RNF144A: variants seen among roughly 807,000 people sequenced by gnomAD.
The protein encoded by RNF144A is ring finger protein 144A.
A neutral mutation model predicts 38.7 loss-of-function variants in RNF144A; 11 were observed. That is an observed-to-expected ratio of 0.28 (90% CI 0.18 to 0.47). The LOEUF is 0.47. Among genes scored for constraint, RNF144A ranks in the 20% least tolerant of loss-of-function variants. RNF144A has a pLI of 0.99. For missense variants in RNF144A, 316 were observed against 377.2 expected (o/e 0.84, Z 1.34); for synonymous variants, 149 against 143.9 (o/e 1.04, Z -0.25).
intron 3 of RNF144A, among the ~76,000 whole-genome samples, chr2:7,001,626 A>G (rs989779655): frequency 5.3e-5 from 8 of 151,950 alleles, no homozygotes; most frequent in East Asian, 1.9e-4. Context: ...GCAGTGAGCC[A>G]TGATTACACC....
intron 5 of RNF144A, among the ~76,000 whole-genome samples, chr2:7,018,352 T>C (rs1671279388): frequency 6.6e-6 from 1 of 152,230 alleles, no homozygotes; most frequent in Admixed American, 6.5e-5. Flanking sequence ...GACATGGGCC[T>C]CCTATCTCAT....
At chr2:6,945,087 T>C (rs1666247004) in intron 2 of RNF144A, among the ~76,000 whole-genome samples, 1 of 152,284 alleles carries the variant, frequency 6.6e-6, no homozygotes, top group Admixed American at 6.5e-5. Flanking sequence ...GCCTTGGCCA[T>C]CACTCAGCCT....
chr2:6,976,251 C>T (rs1668306502), intron 2 of RNF144A, among the ~76,000 whole-genome samples: 1 of 152,210 alleles, frequency 6.6e-6, no homozygotes, highest in African/African-American at 2.4e-5. Context: ...GGTTGACCTA[C>T]AGCCTCCCCC....
intron 5 of RNF144A, among the ~76,000 whole-genome samples, chr2:7,019,643 G>A (rs1477570706): frequency 1.3e-5 from 2 of 152,304 alleles, no homozygotes; most frequent in South Asian, 2.1e-4. Flanking sequence ...GCCACTGATC[G>A]AGAATTCGGC....
chr2:7,017,916 G>A (rs1452985133), intron 5 of RNF144A, among the ~76,000 whole-genome samples: 2 of 152,184 alleles, frequency 1.3e-5, no homozygotes, highest in African/African-American at 2.4e-5. Context: ...GTGAGGACAG[G>A]CAGTGCCGTG....
At chr2:7,006,564 C>A (rs1268973721) in intron 3 of RNF144A, among the ~76,000 whole-genome samples, 2 of 152,076 alleles carry the variant, frequency 1.3e-5, no homozygotes, top group African/African-American at 4.8e-5. Context: ...CCCCGCTACC[C>A]CAACCCTTGC....
In RNF144A at chr2:7,024,394, G is replaced by A. The variant is rs144466433; in HGVS notation, c.535G>A (p.Asp179Asn). 1,463 of 1,609,278 alleles carry A rather than the reference G, an allele frequency of 9.1e-4. 1 individual carries two copies. The highest frequency in any genetic ancestry group is 1.1e-3 in the Non-Finnish European group (1,259 of 1,175,854). ...TSAAFKMEEDDAPIKRCPKCK... is the reference protein window; with the variant it reads ...TSAAFKMEEDNAPIKRCPKCK... Reference sequence around the variant, plus strand: ...TGCTGCTTTCAAAATGGAAGAAGATGACGCGCCCATCAAGCGCTGCCCCAA... The same window carrying A: ...TGCTGCTTTCAAAATGGAAGAAGATAACGCGCCCATCAAGCGCTGCCCCAA... Residue 179 changes from aspartate (D) to asparagine (N), a missense_variant, in exon 7 of 9, where the codon GAC (aspartate) becomes AAC (asparagine). Physicochemically the swap from Asp to Asn is conservative, Grantham distance 23. Transcript: ENST00000320892.
downstream of RNF144A, among the ~76,000 whole-genome samples, chr2:7,072,136 C>T (rs1674506602): frequency 1.3e-5 from 2 of 152,218 alleles, no homozygotes; most frequent in Admixed American, 1.3e-4. Context: ...GTAGCTTTGG[C>T]ATTGGGCAAT....
At chr2:6,959,437 G>A (rs554163185) in intron 2 of RNF144A, among the ~76,000 whole-genome samples, 166 of 95,528 alleles carry the variant, frequency 1.7e-3, no homozygotes, top group Non-Finnish European at 1.5e-3. Flanking sequence ...AGCTGCTGTT[G>A]GATGTCTTAG....
At chr2:6,963,064 T>G (rs1298271360) in intron 2 of RNF144A, among the ~76,000 whole-genome samples, 1 of 152,204 alleles carries the variant, frequency 6.6e-6, no homozygotes, top group East Asian at 1.9e-4. Context: ...ATGCATGAGA[T>G]CCACCTTTCT....
intron 7 of RNF144A, among the ~76,000 whole-genome samples, chr2:7,027,459 G>A (rs1373707584): frequency 2.0e-5 from 3 of 152,366 alleles, no homozygotes; most frequent in Non-Finnish European, 2.9e-5. Context: ...GTTGGAATGA[G>A]GAAGGCCAGA....
At chr2:7,009,489 T>C (rs930044617) in intron 3 of RNF144A, among the ~76,000 whole-genome samples, 1 of 150,558 alleles carries the variant, frequency 6.6e-6, no homozygotes, top group East Asian at 1.9e-4. Flanking sequence ...CAAGAACTCA[T>C]ATAGATGGGA....
At chr2:7,049,946 G>T (rs1300473930) in intron 6 of RNF144A, among the ~76,000 whole-genome samples, 2 of 152,214 alleles carry the variant, frequency 1.3e-5, no homozygotes, top group Non-Finnish European at 2.9e-5. Context: ...GGGGCAGGAT[G>T]TGTGATGAAA....
At chr2:7,033,667 G>A (rs779422104) in intron 8 of RNF144A, among the ~76,000 whole-genome samples, 22 of 152,186 alleles carry the variant, frequency 1.4e-4, no homozygotes, top group Non-Finnish European at 1.6e-4. Context: ...AGTCTCTTGT[G>A]TGTGACTGTC....
Position 6,917,558 on chromosome 2 carries a change from CGGCACCCCGCAGCCAGTACCGGGCGGA to C in RNF144A, c.-272_-246del, listed in dbSNP as rs1371434934. On this transcript the variant is annotated 5_prime_UTR_variant, in exon 1 of 9. Transcript: ENST00000320892. The surrounding 1 kb of genome is among the most constrained non-coding windows in gnomAD (Gnocchi z 4.8). ...GCGCGGGCGGCAAACTGCGGGCACC[CGGCACCCCGCAGCCAGTACCGGGCGGA>C]GGCGTCAGAGCCGCGCACCGCGGAC... is the stretch of plus-strand genomic sequence containing the variant. 4 of 147,866 alleles carry C rather than the reference CGGCACCCCGCAGCCAGTACCGGGCGGA, an allele frequency of 2.7e-5. No homozygotes were observed. The highest frequency in any genetic ancestry group is 6.0e-5 in the Non-Finnish European group (4 of 66,420). The allele number at this position is 147,866 out of a possible 1,614,324, so 9.2% of individuals were successfully genotyped here.
downstream of RNF144A, among the ~76,000 whole-genome samples, chr2:7,072,554 C>G (rs1432802104): frequency 6.6e-6 from 1 of 152,198 alleles, no homozygotes; most frequent in Non-Finnish European, 1.5e-5. Flanking sequence ...TGCCATCTGT[C>G]TCTCCTCTTC....
intron 6 of RNF144A, among the ~76,000 whole-genome samples, chr2:7,064,484 C>G (rs1409994429): frequency 6.6e-6 from 1 of 152,084 alleles, no homozygotes; most frequent in African/African-American, 2.4e-5. Flanking sequence ...TATTGTGACT[C>G]CACGGGGAGG....
At chr2:7,023,546 T>C (rs1265051753) in intron 6 of RNF144A, among the ~76,000 whole-genome samples, 1 of 152,254 alleles carries the variant, frequency 6.6e-6, no homozygotes, top group Non-Finnish European at 1.5e-5. Flanking sequence ...CTTAACAGTT[T>C]ATCATTTATT....
At chr2:7,050,873 A>G (rs1673493622) in intron 6 of RNF144A, among the ~76,000 whole-genome samples, 1 of 152,226 alleles carries the variant, frequency 6.6e-6, no homozygotes, top group African/African-American at 2.4e-5. Flanking sequence ...CAGTGCTGTC[A>G]GGACCACTCA....
Sources: gnomAD v4.1 joint callset for allele counts (sites outside exome capture counted in the v4.1 genomes callset) on GRCh38, gnomAD v4.1.1 for gene constraint, Gnocchi (gnomAD v3.1) non-coding constraint, MANE v1.5 for transcripts, NCBI Gene and HGNC (gene_info 2026-07-23, HGNC 2026-07-21) for gene names.